INTS9: variants seen among roughly 807,000 people sequenced by gnomAD.
INTS9 encodes protein related to CPSF subunits of 74 kDa.
A neutral mutation model predicts 79.7 loss-of-function variants in INTS9; 55 were observed. That is an observed-to-expected ratio of 0.69 (90% CI 0.56 to 0.86). INTS9 has a LOEUF of 0.86. Ranked by LOEUF, INTS9 falls within the 40% of genes least tolerant of loss-of-function variation. The pLI is 0.00. For missense variants in INTS9, 721 were observed against 831.5 expected (o/e 0.87, Z 1.64); for synonymous variants, 319 against 325.2 (o/e 0.98, Z 0.20).
At chr8:28,845,857 G>C in intron 4 of INTS9, among the ~76,000 whole-genome samples, 1 of 152,124 alleles carries the variant, frequency 6.6e-6, no homozygotes, top group East Asian at 1.9e-4. Context: ...ATTTGCTCTG[G>C]TACCCTCAAA....
At chr8:28,817,226 GC>G (rs1399625665) in intron 6 of INTS9, among the ~76,000 whole-genome samples, 2 of 151,562 alleles carry the variant, frequency 1.3e-5, no homozygotes, top group Non-Finnish European at 3.0e-5. Context: ...TGAAGTCCTT[GC>G]CCATGCCTAT....
At chr8:28,836,067 C>T (rs1486613722) in intron 5 of INTS9, among the ~76,000 whole-genome samples, 4 of 152,178 alleles carry the variant, frequency 2.6e-5, no homozygotes, top group African/African-American at 9.7e-5. Flanking sequence ...GCCTCGGCCT[C>T]CCAAAGTGCT....
chr8:28,789,943 A>G (rs1206153463), intron 10 of INTS9, among the ~76,000 whole-genome samples: 1 of 152,176 alleles, frequency 6.6e-6, no homozygotes, highest in Admixed American at 6.5e-5. Context: ...AAGATCAGAG[A>G]GGTCTTTCAA....
intron 1 of INTS9, among the ~76,000 whole-genome samples, chr8:28,864,556 C>T (rs148538690): frequency 1.3e-5 from 2 of 152,282 alleles, no homozygotes; most frequent in Admixed American, 1.3e-4. Flanking sequence ...TTACATACCA[C>T]TGAGAAAAAC....
At position 28,877,353 on chromosome 8, in the gene INTS9, A is replaced by T. The variant is rs150659709; in HGVS notation, c.9+12521T>A. ...CACATTGCATACATAATGTGAGAAA[A>T]ATCAAATTTAAAATATAATGACATA... On this transcript the variant is annotated intron_variant, in intron 1 of 16. Transcript: ENST00000521022. Among the ~76,000 whole-genome samples the T allele has an allele frequency of 4.9e-3, 741 of 152,284 alleles. 7 individuals are homozygous for T. Among genetic ancestry groups the T allele is most frequent in the Non-Finnish European group, 7.8e-3 (532 of 67,976 alleles).
At chr8:28,837,519 T>G in intron 5 of INTS9, 118 bp downstream of exon 5, 1 of 1,097,982 alleles carries the variant, frequency 9.1e-7, no homozygotes, top group Non-Finnish European at 1.3e-6. Context: ...GCCTGTTCTT[T>G]GGGTTAGTTG....
chr8:28,829,438 C>G (rs1195009377), intron 6 of INTS9, among the ~76,000 whole-genome samples: 2 of 152,260 alleles, frequency 1.3e-5, no homozygotes, highest in African/African-American at 4.8e-5. Context: ...GGAAGTTACA[C>G]AGCTGCCAAA....
At chr8:28,783,142 CAAAAAAAAAAAAAA>C (rs559306996) in intron 11 of INTS9, among the ~76,000 whole-genome samples, 16 of 111,706 alleles carry the variant, frequency 1.4e-4, no homozygotes, top group Non-Finnish European at 1.7e-4. Flanking sequence ...GACTCCGTCT[CAAAAAAAAAAAAAA>C]AAAAAAAAAA....
chr8:28,795,976 G>A (rs1804194587), intron 9 of INTS9, among the ~76,000 whole-genome samples: 1 of 152,082 alleles, frequency 6.6e-6, no homozygotes, highest in Admixed American at 6.5e-5. Flanking sequence ...TTCCTCAAAA[G>A]AAGAAAAAAT....
chr8:28,835,266 C>A, intron 6 of INTS9, 26 bp downstream of exon 6: 1 of 1,553,628 alleles, frequency 6.4e-7, no homozygotes, highest in South Asian at 1.1e-5. Flanking sequence ...TACAGTCTCT[C>A]GGTAAGAGAG....
chr8:28,777,540 C>CT (rs35374883), intron 13 of INTS9, among the ~76,000 whole-genome samples: 42,892 of 146,216 alleles, frequency 0.29, 6,594 homozygotes, highest in East Asian at 0.53. Flanking sequence ...TCTAGAATGA[C>CT]TTTTTTTTTT....
intron 2 of INTS9, among the ~76,000 whole-genome samples, chr8:28,856,657 G>A (rs1478878022): frequency 6.6e-6 from 1 of 152,166 alleles, no homozygotes; most frequent in Non-Finnish European, 1.5e-5. Flanking sequence ...ACTAACTAAA[G>A]ATACACATTT....
rs4732878 is a variant in INTS9 at position 28,782,833 on chromosome 8, A to G, written c.1099-1839T>C. 7.8e-3 allele frequency among the ~76,000 whole-genome samples: 1,187 copies of G among 152,298 alleles called. 48 individuals are homozygous for G. Among genetic ancestry groups the G allele is most frequent in the Admixed American group, 0.063 (967 of 15,288 alleles). ...CAGTAATCTATGATTGCAACGCTGTATTCTGGCATGGGTAACTGAGACCCT... is the reference window on the plus strand; with the variant it reads ...CAGTAATCTATGATTGCAACGCTGTGTTCTGGCATGGGTAACTGAGACCCT... On this transcript the variant is annotated intron_variant, in intron 11 of 16. Transcript: ENST00000521022.
At chr8:28,805,300 T>A (rs188348148) in intron 8 of INTS9, among the ~76,000 whole-genome samples, 1 of 152,362 alleles carries the variant, frequency 6.6e-6, no homozygotes, top group African/African-American at 2.4e-5. Context: ...CTTTATCCTA[T>A]CGAAGTTTTT....
intron 13 of INTS9, among the ~76,000 whole-genome samples, 173 bp downstream of exon 13, chr8:28,777,656 C>T (rs1197182737): frequency 6.6e-6 from 1 of 151,978 alleles, no homozygotes; most frequent in Non-Finnish European, 1.5e-5. Flanking sequence ...GTGTAAAGAC[C>T]ACTCCTTTTC....
rs1802299148 is a variant in INTS9 at position 28,767,838 on chromosome 8, C to T, written c.*308G>A. The stretch of plus-strand genomic sequence containing the variant: ...CCTGGGACTGATGCAAGACAGCCAG[C>T]CAGTCACCTCCGCCTCCCATGAACC... On this transcript the variant is annotated 3_prime_UTR_variant, in exon 17 of 17. Coordinates refer to ENST00000521022, the MANE Select transcript of INTS9 (RefSeq NM_018250.4). 5.5e-6 allele frequency: 2 copies of T among 366,828 alleles called. No homozygotes were observed. The highest frequency in any genetic ancestry group is 1.0e-5 in the Non-Finnish European group (2 of 194,914). The allele number at this position is 366,828 out of a possible 1,614,324, so 22.7% of individuals were successfully genotyped here.
At chr8:28,878,650 AAC>A in intron 1 of INTS9, among the ~76,000 whole-genome samples, 1 of 150,922 alleles carries the variant, frequency 6.6e-6, no homozygotes, top group African/African-American at 2.4e-5. Flanking sequence ...TTAAAAAAAA[AAC>A]AAAACAAAAA....
chr8:28,775,608 G>A (rs545924030), intron 14 of INTS9, 151 bp downstream of exon 14: 54 of 835,436 alleles, frequency 6.5e-5, no homozygotes, highest in African/African-American at 1.4e-4. Context: ...CACCTTGGCC[G>A]CCCAAAGTGC....
intron 1 of INTS9, among the ~76,000 whole-genome samples, chr8:28,881,314 C>T (rs1809776326): frequency 6.9e-6 from 1 of 144,932 alleles, no homozygotes; most frequent in African/African-American, 2.6e-5. Flanking sequence ...GGGATCAGCC[C>T]CCCGCCTGGC....
Sources: allele counts gnomAD v4.1 joint callset (sites outside exome capture counted in the v4.1 genomes callset), GRCh38; gene constraint gnomAD v4.1.1; transcripts MANE v1.5; gene names NCBI Gene and HGNC (gene_info 2026-07-23, HGNC 2026-07-21).